TMC5: variants seen among roughly 807,000 people sequenced by gnomAD.
The protein encoded by TMC5 is transmembrane channel-like protein 5.
Under a neutral mutation model 110.5 loss-of-function variants are expected in TMC5, and 86 were observed. That is an observed-to-expected ratio of 0.78 (90% CI 0.65 to 0.93). The LOEUF (loss-of-function observed/expected upper bound fraction) is 0.93. Ranked by LOEUF, TMC5 falls within the 40% of genes least tolerant of loss-of-function variation. TMC5 has a pLI of 0.00. For synonymous variants in TMC5, 455 were observed against 439.5 expected (o/e 1.04, Z -0.44); for missense variants, 1,144 against 1,222.8 (o/e 0.94, Z 0.96).
chr16:19,490,802 C>T (rs1236229877), intron 18 of TMC5, among the ~76,000 whole-genome samples: 2 of 142,460 alleles, frequency 1.4e-5, no homozygotes, highest in Non-Finnish European at 3.0e-5. Flanking sequence ...CCTTCCCCTC[C>T]CTCCCTCTCT....
chr16:19,450,578 C>T (rs1456916080), intron 5 of TMC5, among the ~76,000 whole-genome samples: 2 of 151,402 alleles, frequency 1.3e-5, no homozygotes, highest in Non-Finnish European at 2.9e-5. Flanking sequence ...CAGGACTTGT[C>T]CACAGGCCAG....
chr16:19,439,665 G>T (rs58394537), intron 2 of TMC5, among the ~76,000 whole-genome samples: 9 of 152,270 alleles, frequency 5.9e-5, no homozygotes, highest in African/African-American at 2.2e-4. Flanking sequence ...CCAAGATGGT[G>T]CACCGTCATT....
At chr16:19,480,104 A>G (rs1456103289) in intron 14 of TMC5, among the ~76,000 whole-genome samples, 1 of 152,212 alleles carries the variant, frequency 6.6e-6, no homozygotes, top group Non-Finnish European at 1.5e-5. Flanking sequence ...TATAATTTTC[A>G]AAAGCAAAAA....
Position 19,469,687 on chromosome 16 carries a change from C to G in TMC5, c.1644C>G (p.Ala548=). 1 of 1,613,980 alleles carries G rather than the reference C, an allele frequency of 6.2e-7. No homozygotes were observed. Among genetic ancestry groups the G allele is most frequent in the South Asian group, 1.1e-5 (1 of 91,082 alleles). Residue 548 remains alanine, a synonymous_variant, in exon 10 of 22, where the codon GCC becomes GCG. Transcript: ENST00000542583. Reference sequence around the variant, plus strand: ...TGCTTTCTGCCTTCTCTAGCATGGCCAAGTATTTCCGGAACAACTTCATTA... The same window carrying G: ...TGCTTTCTGCCTTCTCTAGCATGGCGAAGTATTTCCGGAACAACTTCATTA... ...TCFFSLLFSM[A]KYFRNNFINP...
chr16:19,461,417 T>C (rs1011529480), intron 6 of TMC5, among the ~76,000 whole-genome samples: 1 of 151,690 alleles, frequency 6.6e-6, no homozygotes, highest in East Asian at 2.0e-4. Flanking sequence ...CTACTAAAAA[T>C]ACAAAACTTA....
chr16:19,486,445 C>T (rs58289429), intron 15 of TMC5, among the ~76,000 whole-genome samples: 17,212 of 152,120 alleles, frequency 0.11, 1,163 homozygotes, highest in African/African-American at 0.19. Flanking sequence ...GGCACAATCT[C>T]GGCTCACTGC....
At chr16:19,456,517 T>C in intron 5 of TMC5, 3 of 1,364,402 alleles carry the variant, frequency 2.2e-6, no homozygotes, top group East Asian at 5.3e-5. Context: ...TGCAGGGAGT[T>C]ATGTTGTGAT....
chr16:19,476,477 G>A (rs1358133522), intron 12 of TMC5, among the ~76,000 whole-genome samples: 2 of 152,114 alleles, frequency 1.3e-5, no homozygotes, highest in Non-Finnish European at 2.9e-5. Flanking sequence ...GTATAGAAGG[G>A]GAAATGTTAG....
intron 1 of TMC5, among the ~76,000 whole-genome samples, chr16:19,423,732 C>A (rs1033615846): frequency 2.6e-5 from 4 of 152,020 alleles, no homozygotes; most frequent in Non-Finnish European, 5.9e-5. Context: ...CAGCTGGGTG[C>A]CCCACAATTT....
At position 19,469,946 on chromosome 16, in the gene TMC5, G is replaced by A; in HGVS notation, c.1782+121G>A. 9.9e-6 allele frequency: 11 copies of A among 1,113,974 alleles called. No homozygotes were observed. The South Asian group carries it at 1.2e-4, about 12-fold the overall frequency. The allele number at this position is 1,113,974 out of a possible 1,614,324, so 69.0% of individuals were successfully genotyped here. A position where few individuals can be genotyped will look rare whatever the true frequency, so the allele number is the denominator to read the frequency against. ...GTCTCACTCTGTCGCCCAGGCTGGA[G>A]TGCAGTGGCGCAATCCCGGCTCACT... On this transcript the variant is annotated intron_variant, in intron 10 of 21. Coordinates refer to ENST00000542583, the MANE Select transcript of TMC5 (RefSeq NM_001261841.2).
At chr16:19,434,336 A>G (rs1967282471) in intron 2 of TMC5, among the ~76,000 whole-genome samples, 1 of 124,976 alleles carries the variant, frequency 8.0e-6, no homozygotes, top group Non-Finnish European at 1.6e-5. Flanking sequence ...TCTATATATA[A>G]TATATATTAT....
At chr16:19,436,267 C>CAAAAACAAAAAAA in intron 2 of TMC5, among the ~76,000 whole-genome samples, 1 of 6,464 alleles carries the variant, frequency 1.5e-4, no homozygotes, top group Non-Finnish European at 3.0e-4. Context: ...AAGTTCGTCT[C>CAAAAACAAAAAAA]AAAAAGAAAA....
At chr16:19,439,914 A>G (rs1967440673) in intron 2 of TMC5, 46 bp from the exon 3 acceptor site, 1 of 812,002 alleles carries the variant, frequency 1.2e-6, no homozygotes, top group Non-Finnish European at 2.0e-6. Flanking sequence ...TCTGCAGGGA[A>G]GAAAGGGAAA....
At chr16:19,430,263 A>G (rs1231175149) in intron 1 of TMC5, 150 bp from the exon 2 acceptor site, 1 of 152,218 alleles carries the variant, frequency 6.6e-6, no homozygotes, top group African/African-American at 2.4e-5. Context: ...TCTATGCTTC[A>G]CTGTAGTCTA....
At chr16:19,445,836 AAATTTTCATTCCGGGCCT>A (rs1410891712) in intron 4 of TMC5, among the ~76,000 whole-genome samples, 1 of 151,776 alleles carries the variant, frequency 6.6e-6, no homozygotes, top group Non-Finnish European at 1.5e-5. Context: ...AACACATAGA[AAATTTTCATTCCGGGCCT>A]AATTTTAAAA....
At chr16:19,485,589 C>T (rs556906985) in intron 15 of TMC5, among the ~76,000 whole-genome samples, 27 of 152,184 alleles carry the variant, frequency 1.8e-4, no homozygotes, top group Non-Finnish European at 3.2e-4. Context: ...TGAGCCACCA[C>T]GCCTGGCCTC....
chr16:19,485,725 C>T (rs1022667540), intron 15 of TMC5, among the ~76,000 whole-genome samples: 5 of 152,168 alleles, frequency 3.3e-5, no homozygotes, highest in Admixed American at 2.6e-4. Context: ...TAAATTCTAG[C>T]GAGATGTTAC....
intron 1 of TMC5, among the ~76,000 whole-genome samples, chr16:19,428,604 G>A (rs1967134223): frequency 6.6e-6 from 1 of 152,094 alleles, no homozygotes; most frequent in African/African-American, 2.4e-5. Context: ...TTTAGGTGAT[G>A]ACTTTCAAGC....
In TMC5 at chr16:19,474,290, C is replaced by G; in HGVS notation, c.2090+14C>G. 1 of 1,611,368 alleles carries G rather than the reference C, an allele frequency of 6.2e-7. No homozygotes were observed. Among genetic ancestry groups the G allele is most frequent in the South Asian group, 1.1e-5 (1 of 90,646 alleles). Reference sequence around the variant, plus strand: ...TCTCCTGATCCGGTAGGTGATGTGTCGCGCCCAACACCAGCCTCTATTTCC... The same window carrying G: ...TCTCCTGATCCGGTAGGTGATGTGTGGCGCCCAACACCAGCCTCTATTTCC... On this transcript the variant is annotated intron_variant, in intron 12 of 21. Coordinates refer to ENST00000542583, the MANE Select transcript of TMC5 (RefSeq NM_001261841.2).
Sources: gnomAD v4.1 joint callset for allele counts (sites outside exome capture counted in the v4.1 genomes callset) on GRCh38, gnomAD v4.1.1 for gene constraint, MANE v1.5 for transcripts, NCBI Gene and HGNC (gene_info 2026-07-23, HGNC 2026-07-21) for gene names.